SGCZ: variants seen among roughly 807,000 people sequenced by gnomAD.
SGCZ encodes sarcoglycan zeta.
A neutral mutation model predicts 41.3 loss-of-function variants in SGCZ; 40 were observed. The ratio of observed to expected loss-of-function variants is 0.97; its 90% CI spans 0.75 to 1.26. SGCZ has a LOEUF of 1.26. Among genes scored for constraint, SGCZ ranks in the 50% most tolerant of loss-of-function variants. The pLI is 0.00. For synonymous variants in SGCZ, 206 were observed against 137.5 expected (o/e 1.50, Z -3.49); for missense variants, 552 against 369.8 (o/e 1.49, Z -4.04).
intron 1 of SGCZ, among the ~76,000 whole-genome samples, chr8:15,037,924 T>C (rs905892597): frequency 2.0e-5 from 3 of 152,016 alleles, no homozygotes; most frequent in African/African-American, 4.8e-5. Context: ...GAGAAGTGTA[T>C]ACTGAAAATT....
At chr8:15,205,638 G>T (rs189359617) in intron 1 of SGCZ, among the ~76,000 whole-genome samples, 3 of 152,084 alleles carry the variant, frequency 2.0e-5, no homozygotes, top group Non-Finnish European at 4.4e-5. Flanking sequence ...AAAAGGGAAC[G>T]CGTATACACT....
At chr8:14,460,927 T>C (rs952168216) in intron 2 of SGCZ, among the ~76,000 whole-genome samples, 4 of 152,208 alleles carry the variant, frequency 2.6e-5, no homozygotes, top group African/African-American at 9.6e-5. Context: ...CCTGTTAAAA[T>C]CAGACATCTA....
At chr8:14,604,313 G>T (rs988452426) in intron 1 of SGCZ, among the ~76,000 whole-genome samples, 2 of 152,070 alleles carry the variant, frequency 1.3e-5, no homozygotes, top group African/African-American at 4.8e-5. Flanking sequence ...CTTTCTTTGA[G>T]AGAAATTGTG....
intron 1 of SGCZ, among the ~76,000 whole-genome samples, chr8:14,682,436 ATT>A (rs11448326): frequency 0.33 from 46,683 of 141,560 alleles, 9,404 homozygotes; most frequent in African/African-American, 0.6. Flanking sequence ...CTGCAATGCA[ATT>A]TTTTTTTTTT....
At chr8:14,446,895 C>G (rs905967441) in intron 2 of SGCZ, among the ~76,000 whole-genome samples, 1 of 152,106 alleles carries the variant, frequency 6.6e-6, no homozygotes, top group Non-Finnish European at 1.5e-5. Flanking sequence ...GCAGATCAAT[C>G]TTCATATTCA....
At chr8:14,295,840 G>T (rs1800991736) in intron 3 of SGCZ, among the ~76,000 whole-genome samples, 1 of 152,144 alleles carries the variant, frequency 6.6e-6, no homozygotes, top group Non-Finnish European at 1.5e-5. Flanking sequence ...GGCAGGTAGG[G>T]TACTGCACAG....
At chr8:14,550,503 T>C (rs1267329780) in intron 2 of SGCZ, among the ~76,000 whole-genome samples, 3 of 152,036 alleles carry the variant, frequency 2.0e-5, no homozygotes, top group Admixed American at 2.0e-4. Flanking sequence ...TATTTCATAA[T>C]AAATAGTTTA....
At chr8:14,915,542 C>G (rs1292374975) in intron 1 of SGCZ, among the ~76,000 whole-genome samples, 1 of 152,130 alleles carries the variant, frequency 6.6e-6, no homozygotes, top group Admixed American at 6.5e-5. Flanking sequence ...CCCATCTTCC[C>G]TCCTCTTTGT....
chr8:14,180,550 T>C (rs188887958), intron 4 of SGCZ, among the ~76,000 whole-genome samples: 20 of 151,126 alleles, frequency 1.3e-4, no homozygotes, highest in African/African-American at 3.7e-4. Context: ...CGCAGTCTCA[T>C]TGAAGAAAAA....
In SGCZ at chr8:14,527,886, A is replaced by G. The variant is rs140388450; in HGVS notation, c.234+26846T>C. ...TTTCTTTATGAGTATTCTATAAATT[A>G]GTAAAATAGTCCAAAAAAAGTGGGA... On this transcript the variant is annotated intron_variant, in intron 2 of 7. Coordinates refer to ENST00000382080, the MANE Select transcript of SGCZ (RefSeq NM_139167.4). Among the ~76,000 whole-genome samples the G allele has an allele frequency of 1.6e-3, 251 of 152,210 alleles. 2 individuals carry two copies. The highest frequency in any genetic ancestry group is 0.014 in the Admixed American group (210 of 15,274).
intron 1 of SGCZ, among the ~76,000 whole-genome samples, chr8:15,123,095 C>A (rs568544264): frequency 6.6e-6 from 1 of 152,278 alleles, no homozygotes; most frequent in South Asian, 2.1e-4. Context: ...TTTTGTGAAG[C>A]TTTAATGCTC....
intron 2 of SGCZ, among the ~76,000 whole-genome samples, chr8:14,407,526 T>TA (rs1226367957): frequency 6.6e-6 from 1 of 152,026 alleles, no homozygotes; most frequent in Non-Finnish European, 1.5e-5. Flanking sequence ...GTTTTAATTG[T>TA]AAAAAAATTA....
intron 1 of SGCZ, among the ~76,000 whole-genome samples, chr8:14,983,959 G>A (rs926541574): frequency 5.9e-5 from 9 of 151,882 alleles, no homozygotes; most frequent in African/African-American, 1.2e-4. Context: ...ACCAATACTC[G>A]CTTTTAATTT....
intron 1 of SGCZ, among the ~76,000 whole-genome samples, chr8:14,618,099 T>C (rs1364394169): frequency 6.6e-6 from 1 of 152,170 alleles, no homozygotes. Context: ...CAGATATTTA[T>C]GGAGCAAAAC....
At chr8:14,141,360 T>C (rs1353400282) in intron 5 of SGCZ, among the ~76,000 whole-genome samples, 1 of 152,144 alleles carries the variant, frequency 6.6e-6, no homozygotes, top group Non-Finnish European at 1.5e-5. Flanking sequence ...CAAAAGAAAC[T>C]ACCATCAGAG....
chr8:14,664,236 A>G (rs1432297550), intron 1 of SGCZ, among the ~76,000 whole-genome samples: 1 of 152,178 alleles, frequency 6.6e-6, no homozygotes, highest in African/African-American at 2.4e-5. Flanking sequence ...TGAGCACACA[A>G]AAGGCTGACT....
At chr8:14,288,217 T>C (rs571156249) in intron 3 of SGCZ, among the ~76,000 whole-genome samples, 16 of 152,236 alleles carry the variant, frequency 1.1e-4, no homozygotes, top group Admixed American at 2.0e-4. Context: ...AATTTAATTA[T>C]TAATCTCTTA....
At chr8:14,595,761 T>C (rs1040887788) in intron 1 of SGCZ, among the ~76,000 whole-genome samples, 3 of 152,166 alleles carry the variant, frequency 2.0e-5, no homozygotes. Context: ...CTTTCCATAA[T>C]AGCTTACAGG....
intron 2 of SGCZ, among the ~76,000 whole-genome samples, chr8:14,350,091 C>G (rs574504565): frequency 6.6e-6 from 1 of 152,046 alleles, no homozygotes; most frequent in Non-Finnish European, 1.5e-5. Flanking sequence ...AAAATCCCCT[C>G]GTGACTTGGA....
Sources: gnomAD v4.1 joint callset for allele counts (sites outside exome capture counted in the v4.1 genomes callset) on GRCh38, gnomAD v4.1.1 for gene constraint, MANE v1.5 for transcripts, NCBI Gene and HGNC (gene_info 2026-07-23, HGNC 2026-07-21) for gene names.